The following EPHA3 variants were observed in gnomAD, a reference collection of about 807,000 sequenced individuals.
EPHA3 encodes ephrin type-A receptor 3.
In EPHA3, 42 loss-of-function variants were observed where a neutral mutation model predicts 107.1. The ratio of observed to expected loss-of-function variants is 0.39; its 90% confidence interval spans 0.31 to 0.51. The LOEUF is 0.51. Among genes scored for constraint, EPHA3 ranks in the 20% least tolerant of loss-of-function variants. The pLI, the probability that EPHA3 is intolerant of heterozygous loss-of-function variation, is 0.78. For synonymous variants in EPHA3, 461 were observed against 424.8 expected (o/e 1.09, Z -1.05); for missense variants, 1,183 against 1,211.2 (o/e 0.98, Z 0.35).
In EPHA3 at chr3:89,419,333, A is replaced by G; in HGVS notation, c.2017A>G (p.Ile673Val). 6.2e-7 allele frequency: 1 copy of G among 1,610,090 alleles called. No homozygotes were observed. Among genetic ancestry groups the G allele is most frequent in the East Asian group, 2.2e-5 (1 of 44,760 alleles). Reference protein sequence around the residue: ...QRRDFLGEASIMGQFDHPNII... With the variant: ...QRRDFLGEASVMGQFDHPNII... ...GAGAGACTTCCTGGGAGAAGCAAGC[A>G]TTATGGGACAGTTTGACCACCCCAA... Residue 673 changes from isoleucine to valine, a missense_variant, in exon 11 of 17, where the codon ATT becomes GTT. Physicochemically the swap from Ile to Val is conservative, Grantham distance 29 (BLOSUM62 3). Transcript: ENST00000336596.
chr3:89,156,646 A>G (rs1447292264), intron 2 of EPHA3, among the ~76,000 whole-genome samples: 2 of 152,002 alleles, frequency 1.3e-5, no homozygotes, highest in Non-Finnish European at 2.9e-5. Context: ...TACTTTGTGA[A>G]AATGTTTACT....
intron 2 of EPHA3, among the ~76,000 whole-genome samples, chr3:89,129,914 G>A (rs1019057614): frequency 2.6e-5 from 4 of 152,046 alleles, no homozygotes; most frequent in Non-Finnish European, 5.9e-5. Flanking sequence ...TCTAATAACT[G>A]GCAGTACATC....
chr3:89,360,466 C>CTGCA lies in EPHA3; in HGVS notation c.1306+18377_1306+18380dup, dbSNP rs879775947. Among the ~76,000 whole-genome samples, 2 of 151,072 alleles carry CTGCA rather than the reference C, an allele frequency of 1.3e-5. 1 individual carries two copies. The highest frequency in any genetic ancestry group is 3.0e-5 in the Non-Finnish European group (2 of 67,506). ...CCACAGGCCATCCCATTTCAGCTAACTGCAACTCTATGCTTTTAGTTATTT... is the reference window on the plus strand; with the variant it reads ...CCACAGGCCATCCCATTTCAGCTAACTGCATGCAACTCTATGCTTTTAGTTATTT... On this transcript the variant is annotated intron_variant, in intron 5 of 16. Transcript: ENST00000336596.
chr3:89,312,311 C>T (rs1428272574), intron 3 of EPHA3, among the ~76,000 whole-genome samples: 6 of 149,304 alleles, frequency 4.0e-5, no homozygotes, highest in East Asian at 3.9e-4. Context: ...TTGGGGAAGA[C>T]GTTTTTTAGA....
chr3:89,126,660 T>C (rs1470612694), intron 1 of EPHA3, among the ~76,000 whole-genome samples: 2 of 151,672 alleles, frequency 1.3e-5, no homozygotes, highest in Non-Finnish European at 3.0e-5. Flanking sequence ...TTAAGCTTTT[T>C]GTGTGTTACA....
chr3:89,237,248 T>G (rs1704786841), intron 3 of EPHA3, among the ~76,000 whole-genome samples: 1 of 152,164 alleles, frequency 6.6e-6, no homozygotes, highest in Non-Finnish European at 1.5e-5. Context: ...GGTGCGTGCC[T>G]GTAATCCCAG....
In EPHA3 at chr3:89,437,679, A is replaced by T. The variant is rs186633679; in HGVS notation, c.2346+6320A>T. On this transcript the variant is annotated intron_variant, in intron 13 of 16. Transcript: ENST00000336596. Reference sequence around the variant, plus strand: ...TGCATCTATATAGATGAATATTTCTATATTCATATGTTGAAATACATGGAA... The same window carrying T: ...TGCATCTATATAGATGAATATTTCTTTATTCATATGTTGAAATACATGGAA... Among the ~76,000 whole-genome samples the T allele has an allele frequency of 7.2e-5, 11 of 152,296 alleles. 1 individual carries two copies. In the East Asian group the frequency reaches 1.9e-3, roughly 27 times the overall value.
intron 2 of EPHA3, among the ~76,000 whole-genome samples, chr3:89,191,075 C>G (rs1705702622): frequency 6.6e-6 from 1 of 151,988 alleles, no homozygotes; most frequent in African/African-American, 2.4e-5. Context: ...TATTAAAATA[C>G]AATATTCCTC....
chr3:89,280,345 A>G (rs1420906400), intron 3 of EPHA3, among the ~76,000 whole-genome samples: 1 of 152,142 alleles, frequency 6.6e-6, no homozygotes, highest in Non-Finnish European at 1.5e-5. Flanking sequence ...TATAGAGAGT[A>G]TCTCAGAGTT....
chr3:89,308,769 G>A (rs1393672009), intron 3 of EPHA3, among the ~76,000 whole-genome samples: 2 of 152,062 alleles, frequency 1.3e-5, no homozygotes, highest in African/African-American at 4.8e-5. Context: ...TTGTGTAAAG[G>A]AATCTGGGAA....
chr3:89,386,296 G>A (rs2107491986), intron 5 of EPHA3, among the ~76,000 whole-genome samples: 1 of 152,264 alleles, frequency 6.6e-6, no homozygotes, highest in South Asian at 2.1e-4. Context: ...AGGTCAAGGA[G>A]GGAAAAATGG....
chr3:89,246,021 T>C (rs1559617287), intron 3 of EPHA3, among the ~76,000 whole-genome samples: 1 of 152,188 alleles, frequency 6.6e-6, no homozygotes, highest in Non-Finnish European at 1.5e-5. Context: ...GGTAGACAAG[T>C]TCCTCTTTAA....
chr3:89,333,894 A>G (rs143682042), intron 3 of EPHA3, among the ~76,000 whole-genome samples: 8 of 152,198 alleles, frequency 5.3e-5, no homozygotes, highest in African/African-American at 1.7e-4. Flanking sequence ...AAAAAAAAAT[A>G]AAAAACCTCA....
At chr3:89,149,412 A>G (rs942954481) in intron 2 of EPHA3, among the ~76,000 whole-genome samples, 28 of 152,040 alleles carry the variant, frequency 1.8e-4, no homozygotes, top group African/African-American at 6.8e-4. Context: ...TCCATCAGAC[A>G]CTAGTATGTG....
At chr3:89,218,061 C>A (rs1485586363) in intron 3 of EPHA3, among the ~76,000 whole-genome samples, 1 of 151,994 alleles carries the variant, frequency 6.6e-6, no homozygotes, top group East Asian at 1.9e-4. Context: ...TGTTTTATGG[C>A]ATACAGAATT....
chr3:89,408,284 G>T (rs1217659667), intron 9 of EPHA3, among the ~76,000 whole-genome samples, 153 bp downstream of exon 9: 2 of 152,090 alleles, frequency 1.3e-5, no homozygotes, highest in African/African-American at 4.8e-5. Flanking sequence ...GAAAAAGAGG[G>T]AAATTCATGG....
chr3:89,380,809 C>A (rs1319976318), intron 5 of EPHA3, among the ~76,000 whole-genome samples: 2 of 150,120 alleles, frequency 1.3e-5, no homozygotes, highest in South Asian at 2.1e-4. Flanking sequence ...TGCTCTGTTG[C>A]CCAAGCTGGG....
intron 11 of EPHA3, among the ~76,000 whole-genome samples, chr3:89,424,042 C>A (rs1373865954): frequency 1.3e-5 from 2 of 151,356 alleles, no homozygotes; most frequent in African/African-American, 4.8e-5. Flanking sequence ...AAAAGTATCA[C>A]CTCTAAATGC....
chr3:89,450,250 T>C lies in EPHA3; in HGVS notation c.2570T>C (p.Met857Thr). Residue 857 changes from methionine to threonine, a missense_variant, in exon 15 of 17, where the codon ATG (methionine) becomes ACG (threonine). Physicochemically the swap from Met to Thr is moderately conservative, Grantham distance 81 (BLOSUM62 -1). Coordinates refer to ENST00000336596, the MANE Select transcript of EPHA3 (RefSeq NM_005233.6). ...TGCCCAGCTGCCTTGTATCAGCTGATGCTGGACTGCTGGCAGAAAGACAGG... is the reference window on the plus strand; with the variant it reads ...TGCCCAGCTGCCTTGTATCAGCTGACGCTGGACTGCTGGCAGAAAGACAGG... ...MDCPAALYQL[M>T]LDCWQKDRNN... 6.2e-7 allele frequency: 1 copy of C among 1,614,018 alleles called. No homozygotes were observed. The highest frequency in any genetic ancestry group is 2.2e-5 in the East Asian group (1 of 44,852).
Sources: gnomAD v4.1 joint callset for allele counts (sites outside exome capture counted in the v4.1 genomes callset) on GRCh38, gnomAD v4.1.1 for gene constraint, MANE v1.5 for transcripts, NCBI Gene and HGNC (gene_info 2026-07-23, HGNC 2026-07-21) for gene names.